Variants in FRMPD4 observed in about 807,000 individuals in gnomAD.
The protein encoded by FRMPD4 is FERM and PDZ domain-containing protein 4.
In FRMPD4, 22 loss-of-function variants were observed where a neutral mutation model predicts 94.1. The observed-to-expected ratio is 0.23, with a 90% CI of 0.17 to 0.33. The LOEUF is 0.33. Ranked by LOEUF, FRMPD4 falls within the 10% of genes least tolerant of loss-of-function variation. FRMPD4 has a pLI of 1.00. For missense variants in FRMPD4, 1,111 were observed against 1,339.9 expected (o/e 0.83, Z 2.67); for synonymous variants, 631 against 548.6 (o/e 1.15, Z -2.10).
intron 2 of FRMPD4, among the ~76,000 whole-genome samples, chrX:12,531,644 G>C (rs763804022): frequency 9.0e-6 from 1 of 111,479 alleles, no homozygotes; most frequent in Non-Finnish European, 1.9e-5. Context: ...TTCAATATTG[G>C]TGACTTGGCT....
In FRMPD4 at chrX:11,986,157, TTG is replaced by T. The variant is rs1330825947; in HGVS notation, c.95+108143_95+108144del. Among the ~76,000 whole-genome samples, 3 of 112,372 alleles carry T rather than the reference TTG, an allele frequency of 2.7e-5. No individual in the cohort carries two copies. In the East Asian group the frequency reaches 8.4e-4, roughly 32 times the overall value. On this transcript the variant is annotated intron_variant, in intron 3 of 18. Coordinates refer to the FRMPD4 transcript ENST00000640291. ...CCAGTGTTGATGGCCACAGGGATGC[TTG>T]TGTCATGCCACCCCCAGCTCCAGGA...
At chrX:12,532,942 T>C (rs952632662) in intron 2 of FRMPD4, among the ~76,000 whole-genome samples, 2 of 112,648 alleles carry the variant, frequency 1.8e-5, no homozygotes, top group African/African-American at 3.2e-5. Flanking sequence ...AATTATGTTT[T>C]AGTATAATAA....
At chrX:11,981,517 T>G (rs2054396945) in intron 3 of FRMPD4, among the ~76,000 whole-genome samples, 1 of 111,722 alleles carries the variant, frequency 9.0e-6, no homozygotes, top group Non-Finnish European at 1.9e-5. Context: ...TGTCTGATAT[T>G]AATGTAGCTA....
intron 1 of FRMPD4, among the ~76,000 whole-genome samples, chrX:12,446,586 CTCTTGTGGTAGTGA>C (rs72411028): frequency 0.43 from 47,453 of 109,853 alleles, 8,178 homozygotes; most frequent in South Asian, 0.63. Flanking sequence ...TCCTACACTT[CTCTTGTGGTAGTGA>C]ATAAGTCTCA....
chrX:12,394,218 G>A (rs957181207), intron 1 of FRMPD4, among the ~76,000 whole-genome samples: 1 of 111,570 alleles, frequency 9.0e-6, no homozygotes. Flanking sequence ...ATTTTAAAGG[G>A]GAAATAATCA....
At chrX:12,040,553 CTTTTTTTTTTTTT>C (rs760980082) in intron 3 of FRMPD4, among the ~76,000 whole-genome samples, 5 of 58,905 alleles carry the variant, frequency 8.5e-5, no homozygotes, top group Non-Finnish European at 1.5e-4. Flanking sequence ...TTATGTCTGC[CTTTTTTTTTTTTT>C]TTTTTTTTTT....
intron 1 of FRMPD4, among the ~76,000 whole-genome samples, chrX:12,433,550 CAG>C (rs2057031661): frequency 8.9e-6 from 1 of 111,976 alleles, no homozygotes; most frequent in Non-Finnish European, 1.9e-5. Context: ...GCTCAGAATG[CAG>C]ATGATTCAAA....
intron 3 of FRMPD4, among the ~76,000 whole-genome samples, chrX:11,972,828 A>T (rs751626123): frequency 1.8e-5 from 2 of 112,601 alleles, no homozygotes; most frequent in East Asian, 2.8e-4. Flanking sequence ...AAAATTCATA[A>T]TCAGGTGGCC....
chrX:12,313,410 T>C (rs934247970), intron 1 of FRMPD4, among the ~76,000 whole-genome samples: 2 of 112,405 alleles, frequency 1.8e-5, no homozygotes, highest in Non-Finnish European at 3.8e-5. Flanking sequence ...AAGTGGGGAA[T>C]AGAAAGGAAA....
rs533806118 is a variant in FRMPD4, at chrX:12,525,587, G to C, written c.158+26791G>C. ...AAATGGCCATGCAAAGCTGTCTTTTGTGGCCGTTTCTACTGCTTAAACATT... is the reference window on the plus strand; with the variant it reads ...AAATGGCCATGCAAAGCTGTCTTTTCTGGCCGTTTCTACTGCTTAAACATT... On this transcript the variant is annotated intron_variant, in intron 2 of 16. Coordinates refer to ENST00000675598, the MANE Select transcript of FRMPD4 (RefSeq NM_001368397.1). 4.4e-5 allele frequency among the ~76,000 whole-genome samples: 5 copies of C among 112,429 alleles called. No individual in the cohort carries two copies. The Middle Eastern group carries it at 0.014, about 311-fold the overall frequency.
intron 3 of FRMPD4, among the ~76,000 whole-genome samples, chrX:12,029,181 G>T (rs948455728): frequency 8.9e-6 from 1 of 111,987 alleles, no homozygotes; most frequent in Admixed American, 9.5e-5. Flanking sequence ...AGTCTAATAG[G>T]TGTGTGGTGG....
chrX:12,124,183 A>T (rs942335970), intron 3 of FRMPD4, among the ~76,000 whole-genome samples: 8 of 112,362 alleles, frequency 7.1e-5, no homozygotes, highest in African/African-American at 2.6e-4. Context: ...TTACTTAGCA[A>T]AACTTCCCCT....
At chrX:12,163,597 G>A (rs1409585864) in intron 1 of FRMPD4, among the ~76,000 whole-genome samples, 1 of 111,149 alleles carries the variant, frequency 9.0e-6, no homozygotes, top group East Asian at 2.8e-4. Flanking sequence ...TTCATTCAGT[G>A]CCAGGCAGTG....
chrX:12,223,344 G>A (rs2056888712), intron 1 of FRMPD4, among the ~76,000 whole-genome samples: 1 of 112,115 alleles, frequency 8.9e-6, no homozygotes, highest in South Asian at 3.7e-4. Context: ...GCAAATTAAT[G>A]CAGGAACAGA....
intron 3 of FRMPD4, among the ~76,000 whole-genome samples, chrX:12,128,200 C>T (rs1244977371): frequency 8.8e-6 from 1 of 113,422 alleles, no homozygotes; most frequent in Non-Finnish European, 1.9e-5. Context: ...GAGGGCTCCG[C>T]CCATGCAGCA....
chrX:12,428,808 TTC>T (rs1412629845), intron 1 of FRMPD4, among the ~76,000 whole-genome samples: 1 of 112,042 alleles, frequency 8.9e-6, no homozygotes, highest in Non-Finnish European at 1.9e-5. Context: ...ATCATTTGTT[TTC>T]TCTGTGTGTG....
rs139319116 is a variant in FRMPD4, at chrX:12,404,883, C to A, written c.42-93797C>A. ...ATAACTACTTGATGCTGCCATTGTA[C>A]CTTGAATGCAGCCACAGATTATATA... On this transcript the variant is annotated intron_variant, in intron 1 of 16. Coordinates refer to ENST00000675598, the MANE Select transcript of FRMPD4 (RefSeq NM_001368397.1). Among the ~76,000 whole-genome samples, 795 of 111,498 alleles carry A rather than the reference C, an allele frequency of 7.1e-3. 6 individuals are homozygous for A. Among genetic ancestry groups the A allele is most frequent in the Non-Finnish European group, 0.012 (618 of 52,981 alleles).
In FRMPD4 at chrX:12,367,357, T is replaced by C. The variant is rs772624306; in HGVS notation, c.42-131323T>C. Among the ~76,000 whole-genome samples, 4 of 112,467 alleles carry C rather than the reference T, an allele frequency of 3.6e-5. No homozygotes were observed. The East Asian group carries it at 8.5e-4, about 24-fold the overall frequency. On this transcript the variant is annotated intron_variant, in intron 1 of 16. Coordinates refer to ENST00000675598, the MANE Select transcript of FRMPD4 (RefSeq NM_001368397.1). ...GGCCTGCACATATAGCACTGCAGCA[T>C]TGCCTACCCCAGGGGCACCCTTCAC...
At chrX:12,418,089 C>A (rs2056831843) in intron 1 of FRMPD4, among the ~76,000 whole-genome samples, 2 of 109,742 alleles carry the variant, frequency 1.8e-5, no homozygotes, top group Admixed American at 1.9e-4. Context: ...GCTCGTGACA[C>A]CGAAAAGGTT....
Sources: gnomAD v4.1 joint callset for allele counts (sites outside exome capture counted in the v4.1 genomes callset) on GRCh38, gnomAD v4.1.1 for gene constraint, MANE v1.5 for transcripts, NCBI Gene and HGNC (gene_info 2026-07-23, HGNC 2026-07-21) for gene names.